TNFSF4: variants seen among roughly 807,000 people sequenced by gnomAD.
TNFSF4 encodes TNF superfamily member 4, also known as tumor necrosis factor ligand superfamily member 4.
Under a neutral mutation model 7.3 loss-of-function variants are expected in TNFSF4, and 4 were observed. The observed-to-expected ratio is 0.55, with a 90% CI of 0.27 to 1.25. The LOEUF is 1.25. Ranked by LOEUF, TNFSF4 falls within the 50% of genes most tolerant of loss-of-function variation. The pLI, the probability that TNFSF4 is intolerant of heterozygous loss-of-function variation, is 0.12. For missense variants in TNFSF4, 181 were observed against 208.8 expected (o/e 0.87, Z 0.82); for synonymous variants, 76 against 83.7 (o/e 0.91, Z 0.50).
the TNFSF4 span, among the ~76,000 whole-genome samples, chr1:173,325,668 A>G: frequency 2.0e-5 from 3 of 152,348 alleles, no homozygotes; most frequent in South Asian, 6.2e-4. Context: ...ACGCAATAAA[A>G]AATGACAAAG....
the TNFSF4 span, among the ~76,000 whole-genome samples, chr1:173,246,681 A>C: frequency 1.3e-5 from 2 of 152,270 alleles, no homozygotes; most frequent in Admixed American, 6.5e-5. Context: ...TTATTAGCAC[A>C]CATACTAAAG....
the TNFSF4 span, among the ~76,000 whole-genome samples, chr1:173,220,569 G>A: frequency 6.6e-6 from 1 of 152,160 alleles, no homozygotes; most frequent in Admixed American, 6.6e-5. Flanking sequence ...AATCCCCAAT[G>A]TGATGGTATT....
At chr1:173,324,092 A>T in the TNFSF4 span, among the ~76,000 whole-genome samples, 1 of 152,222 alleles carries the variant, frequency 6.6e-6, no homozygotes, top group East Asian at 1.9e-4. Flanking sequence ...GAAGGAAAAC[A>T]TATTAAGAGC....
Position 173,207,125 on chromosome 1 carries a change from T to G in TNFSF4, c.52A>C (p.Arg18=). Residue 18 remains arginine (R), a synonymous_variant, in exon 1 of 3, where the codon AGA becomes CGA. Coordinates refer to ENST00000281834, the MANE Select transcript of TNFSF4 (RefSeq NM_003326.5). ...AGCAATAGCTTGTTCCTCTCGAATC[T>G]TGGCCTGGCTGCATTTCCCACATTC... ...EENVGNAARP[R]FERNKLLLVA... is the part of the protein sequence containing the mutation. 1 of 1,613,834 alleles carries G rather than the reference T, an allele frequency of 6.2e-7. No homozygotes were observed. Among genetic ancestry groups the G allele is most frequent in the Non-Finnish European group, 8.5e-7 (1 of 1,179,848 alleles).
chr1:173,311,203 G>A, the TNFSF4 span, among the ~76,000 whole-genome samples: 1 of 151,648 alleles, frequency 6.6e-6, no homozygotes, highest in East Asian at 1.9e-4. Flanking sequence ...CCATCATTTG[G>A]ATTGACCATT....
the TNFSF4 span, among the ~76,000 whole-genome samples, chr1:173,349,318 A>G: frequency 6.6e-6 from 1 of 152,112 alleles, no homozygotes; most frequent in Non-Finnish European, 1.5e-5. Flanking sequence ...GTGAGCCACC[A>G]CGCCCGGCCC....
At chr1:173,222,453 G>T in the TNFSF4 span, among the ~76,000 whole-genome samples, 2 of 152,204 alleles carry the variant, frequency 1.3e-5, no homozygotes, top group Admixed American at 6.5e-5. Flanking sequence ...ATACTGGAAG[G>T]CCAAAGGTTG....
At chr1:173,223,760 CA>C in the TNFSF4 span, among the ~76,000 whole-genome samples, 1 of 152,036 alleles carries the variant, frequency 6.6e-6, no homozygotes, top group Non-Finnish European at 1.5e-5. Flanking sequence ...TTGTTTTGTA[CA>C]ATTCAAACGA....
the TNFSF4 span, among the ~76,000 whole-genome samples, chr1:173,252,625 T>C: frequency 6.6e-6 from 1 of 152,124 alleles, no homozygotes. Flanking sequence ...GCAGGTTGGC[T>C]TGGACTACAA....
downstream of TNFSF4, among the ~76,000 whole-genome samples, chr1:173,181,118 A>C (rs1054705395): frequency 6.6e-6 from 1 of 152,216 alleles, no homozygotes; most frequent in African/African-American, 2.4e-5. Flanking sequence ...GAGAATACAG[A>C]TTGTCATATC....
At chr1:173,293,784 C>T in the TNFSF4 span, among the ~76,000 whole-genome samples, 2 of 151,638 alleles carry the variant, frequency 1.3e-5, no homozygotes, top group Non-Finnish European at 2.9e-5. Context: ...AACAAATAAC[C>T]CTGTGAAAAA....
the TNFSF4 span, among the ~76,000 whole-genome samples, chr1:173,420,091 TC>T: frequency 4.0e-4 from 61 of 152,278 alleles, no homozygotes; most frequent in African/African-American, 1.4e-3. Context: ...TTTTTCTTTG[TC>T]CTTTCAACTC....
the TNFSF4 span, among the ~76,000 whole-genome samples, chr1:173,177,363 G>A: frequency 6.6e-6 from 1 of 152,088 alleles, no homozygotes; most frequent in African/African-American, 2.4e-5. Flanking sequence ...AATGCCTCAT[G>A]TTCTTACTCA....
At chr1:173,300,921 A>C in the TNFSF4 span, among the ~76,000 whole-genome samples, 3 of 146,870 alleles carry the variant, frequency 2.0e-5, no homozygotes, top group African/African-American at 7.5e-5. Flanking sequence ...TTATAATGTC[A>C]TTGTAGTTTT....
the TNFSF4 span, among the ~76,000 whole-genome samples, chr1:173,387,047 G>T: frequency 6.6e-6 from 1 of 152,172 alleles, no homozygotes; most frequent in Admixed American, 6.5e-5. Context: ...AGCCATGTTT[G>T]ATATTGATGA....
the TNFSF4 span, among the ~76,000 whole-genome samples, chr1:173,236,367 A>G: frequency 1.3e-5 from 2 of 151,910 alleles, no homozygotes; most frequent in East Asian, 3.9e-4. Flanking sequence ...TAGGAATTCC[A>G]AGGCACAGTG....
the TNFSF4 span, among the ~76,000 whole-genome samples, chr1:173,300,749 T>C: frequency 1.3e-5 from 2 of 151,840 alleles, no homozygotes; most frequent in African/African-American, 4.8e-5. Flanking sequence ...ATAACTGCTA[T>C]GATTAATTTC....
upstream of TNFSF4, among the ~76,000 whole-genome samples, chr1:173,210,858 G>C (rs1020887937): frequency 1.3e-5 from 2 of 152,156 alleles, no homozygotes; most frequent in African/African-American, 2.4e-5. Context: ...AGCTCTCTAA[G>C]CCCTCCATCC....
the TNFSF4 span, among the ~76,000 whole-genome samples, chr1:173,425,622 G>C: frequency 6.6e-6 from 1 of 152,242 alleles, no homozygotes; most frequent in Non-Finnish European, 1.5e-5. Context: ...GACACAGCTG[G>C]AGGAGCCAGC....
Sources: allele counts gnomAD v4.1 joint callset (sites outside exome capture counted in the v4.1 genomes callset), GRCh38; gene constraint gnomAD v4.1.1; transcripts MANE v1.5; gene names NCBI Gene and HGNC (gene_info 2026-07-23, HGNC 2026-07-21).